AFF3: variants seen among roughly 807,000 people sequenced by gnomAD.
AFF3 encodes the protein AF4/FMR2 family member 3.
AFF3 carries 32 observed loss-of-function variants against 129.7 expected under a neutral mutation model. The observed-to-expected ratio is 0.25, with a 90% CI of 0.19 to 0.33. The LOEUF (loss-of-function observed/expected upper bound fraction) is 0.33. Among genes scored for constraint, AFF3 ranks in the 10% least tolerant of loss-of-function variants. The probability of loss-of-function intolerance (pLI) is 1.00; values close to 1 mark genes in which losing one functional copy is unlikely to be tolerated. For missense variants in AFF3, 1,373 were observed against 1,592.0 expected, an observed-to-expected ratio of 0.86 and a Z score of 2.34; for synonymous variants, 644 against 635.4, an observed-to-expected ratio of 1.01 and a Z score of -0.20.
intron 8 of AFF3, among the ~76,000 whole-genome samples, chr2:99,753,516 C>T (rs903290314): frequency 1.3e-5 from 2 of 152,154 alleles, no homozygotes; most frequent in African/African-American, 4.8e-5. Context: ...CATTTCCTTA[C>T]CTCCCTTTGG....
intron 13 of AFF3, among the ~76,000 whole-genome samples, chr2:99,616,811 A>G (rs953553569): frequency 3.3e-5 from 5 of 152,098 alleles, no homozygotes; most frequent in African/African-American, 1.2e-4. Context: ...TTCCCACTCC[A>G]AGCTCCCCTT....
chr2:99,693,919 A>G (rs1466436998), intron 11 of AFF3, among the ~76,000 whole-genome samples: 1 of 151,434 alleles, frequency 6.6e-6, no homozygotes, highest in Non-Finnish European at 1.5e-5. Flanking sequence ...TCATTCCTTA[A>G]TACTTTTTTT....
At chr2:99,624,334 G>A (rs1008970726) in intron 13 of AFF3, among the ~76,000 whole-genome samples, 7 of 152,142 alleles carry the variant, frequency 4.6e-5, no homozygotes, top group Admixed American at 1.3e-4. Flanking sequence ...TTTTAAATAA[G>A]CTGGAGTCCC....
chr2:99,954,373 T>G (rs1676434985), intron 7 of AFF3, among the ~76,000 whole-genome samples: 1 of 152,148 alleles, frequency 6.6e-6, no homozygotes. Context: ...CTCAGGGATC[T>G]AGAACTAGAA....
intron 8 of AFF3, among the ~76,000 whole-genome samples, chr2:99,831,838 C>T (rs1688536487): frequency 1.3e-5 from 2 of 152,190 alleles, no homozygotes; most frequent in African/African-American, 2.4e-5. Flanking sequence ...CCCTTCTACC[C>T]TCTTGTTTTG....
intron 15 of AFF3, among the ~76,000 whole-genome samples, chr2:99,590,741 C>T (rs1228727810): frequency 7.9e-5 from 12 of 152,100 alleles, no homozygotes; most frequent in Admixed American, 7.9e-4. Flanking sequence ...GCCTGTAATC[C>T]CAGCACTTTA....
intron 11 of AFF3, among the ~76,000 whole-genome samples, chr2:99,677,460 C>A (rs1020914492): frequency 6.6e-6 from 1 of 151,986 alleles, no homozygotes; most frequent in African/African-American, 2.4e-5. Context: ...TTTTTTTTAA[C>A]GTGCGATTAA....
chr2:99,705,258 A>G (rs1677246491), intron 11 of AFF3, among the ~76,000 whole-genome samples: 1 of 152,170 alleles, frequency 6.6e-6, no homozygotes, highest in African/African-American at 2.4e-5. Flanking sequence ...AGGATGGGAA[A>G]GGAGAGAGTG....
intron 13 of AFF3, among the ~76,000 whole-genome samples, chr2:99,635,349 G>A (rs994279844): frequency 5.3e-5 from 8 of 152,040 alleles, no homozygotes; most frequent in African/African-American, 1.7e-4. Context: ...TCAGGCTGGA[G>A]TGCAGTAGCA....
At chr2:100,023,557 A>G (rs780798641) in intron 4 of AFF3, among the ~76,000 whole-genome samples, 1 of 152,198 alleles carries the variant, frequency 6.6e-6, no homozygotes, top group Non-Finnish European at 1.5e-5. Flanking sequence ...GCCTCCCATT[A>G]AACAAGAAGA....
At chr2:99,616,618 T>A (rs530722847) in intron 13 of AFF3, among the ~76,000 whole-genome samples, 165 of 152,126 alleles carry the variant, frequency 1.1e-3, no homozygotes, top group Non-Finnish European at 2.1e-3. Flanking sequence ...TAGCTGGGTG[T>A]GGTGGTGTGC....
At chr2:99,992,832 T>C (rs1386015117) in intron 7 of AFF3, among the ~76,000 whole-genome samples, 1 of 152,228 alleles carries the variant, frequency 6.6e-6, no homozygotes, top group Non-Finnish European at 1.5e-5. Context: ...AGGCAGGGGT[T>C]GCTTGTTTCT....
intron 7 of AFF3, among the ~76,000 whole-genome samples, chr2:99,960,915 G>A (rs372969651): frequency 9.9e-5 from 15 of 152,284 alleles, no homozygotes; most frequent in African/African-American, 3.6e-4. Flanking sequence ...GAGCTGCCCT[G>A]ATGTAGCTGC....
At position 99,885,299 on chromosome 2, in the gene AFF3, C is replaced by T. The variant is rs190326178; in HGVS notation, c.874-47775G>A. On this transcript the variant is annotated intron_variant, in intron 7 of 24. Coordinates refer to ENST00000672756, the MANE Select transcript of AFF3 (RefSeq NM_001386135.1). ...ACACAAAGGCCTTTCCCTCATTTTC[C>T]CCCTCAAAACCCAATGACCACACTG... Among the ~76,000 whole-genome samples the T allele has an allele frequency of 2.6e-5, 4 of 152,248 alleles. No homozygotes were observed. In the East Asian group the frequency reaches 7.7e-4, roughly 29 times the overall value.
chr2:99,982,296 G>A (rs1004410756), intron 7 of AFF3, among the ~76,000 whole-genome samples: 2 of 152,168 alleles, frequency 1.3e-5, no homozygotes, highest in African/African-American at 4.8e-5. Context: ...TGGGTCTCAC[G>A]AGATCTGATG....
At chr2:99,913,176 T>C (rs748088129) in intron 7 of AFF3, among the ~76,000 whole-genome samples, 1 of 152,216 alleles carries the variant, frequency 6.6e-6, no homozygotes, top group Non-Finnish European at 1.5e-5. Flanking sequence ...TGTACCTACA[T>C]ACAACAGGAA....
chr2:99,712,082 T>C (rs1677950183), intron 11 of AFF3, among the ~76,000 whole-genome samples: 1 of 152,180 alleles, frequency 6.6e-6, no homozygotes, highest in Admixed American at 6.5e-5. Flanking sequence ...ATTGCTTATG[T>C]GGTCTAACTG....
At chr2:99,590,522 C>T (rs1010026253) in intron 15 of AFF3, among the ~76,000 whole-genome samples, 7 of 152,204 alleles carry the variant, frequency 4.6e-5, no homozygotes, top group African/African-American at 1.7e-4. Flanking sequence ...AAAGCTGGAC[C>T]TGCAGGAGGG....
intron 12 of AFF3, among the ~76,000 whole-genome samples, chr2:99,661,480 G>A (rs1327114195): frequency 6.6e-6 from 1 of 152,140 alleles, no homozygotes; most frequent in African/African-American, 2.4e-5. Context: ...ATCATGTTTT[G>A]GTTTTTATAT....
Sources: allele counts gnomAD v4.1 joint callset (sites outside exome capture counted in the v4.1 genomes callset), GRCh38; gene constraint gnomAD v4.1.1; transcripts MANE v1.5; gene names NCBI Gene and HGNC (gene_info 2026-07-23, HGNC 2026-07-21).